EARS2: variants seen among roughly 807,000 people sequenced by gnomAD.
The protein encoded by EARS2 is nondiscriminating glutamyl-tRNA synthetase EARS2, mitochondrial.
EARS2 carries 50 observed loss-of-function variants against 54.1 expected under a neutral mutation model. The observed-to-expected ratio is 0.92, with a 90% confidence interval of 0.74 to 1.17. The LOEUF (loss-of-function observed/expected upper bound fraction) is 1.17. EARS2 is among the 50% of genes most tolerant of loss of function. The probability of loss-of-function intolerance (pLI) is 0.00; values close to 1 mark genes in which losing one functional copy is unlikely to be tolerated. For synonymous variants in EARS2, 298 were observed against 281.0 expected (o/e 1.06, Z -0.61); for missense variants, 673 against 675.0 (o/e 1.00, Z 0.03).
At chr16:23,541,085 G>A (rs1346146378) in intron 3 of EARS2, among the ~76,000 whole-genome samples, 1 of 152,138 alleles carries the variant, frequency 6.6e-6, no homozygotes, top group Non-Finnish European at 1.5e-5. Flanking sequence ...GAGGCCACTT[G>A]AGGATCACTT....
At chr16:23,525,119 G>A in intron 8 of EARS2, 125 bp downstream of exon 8, 1 of 1,297,716 alleles carries the variant, frequency 7.7e-7, no homozygotes, top group Non-Finnish European at 1.1e-6. Flanking sequence ...ACTAAATGAG[G>A]GGAGTGATCA....
chr16:23,553,407 A>G (rs771965786), intron 1 of EARS2, among the ~76,000 whole-genome samples: 1 of 152,296 alleles, frequency 6.6e-6, no homozygotes, highest in Non-Finnish European at 1.5e-5. Flanking sequence ...AAATTCAATG[A>G]TGTGCGCTGG....
At chr16:23,538,444 T>C (rs1965460428) in intron 3 of EARS2, among the ~76,000 whole-genome samples, 1 of 152,084 alleles carries the variant, frequency 6.6e-6, no homozygotes, top group African/African-American at 2.4e-5. Context: ...TGGCTTCTAG[T>C]TGTATTAATC....
chr16:23,556,919 C>T (rs1466846476), intron 1 of EARS2: 2 of 651,102 alleles, frequency 3.1e-6, no homozygotes, highest in Non-Finnish European at 5.6e-6. Context: ...ATCCCAGCGT[C>T]TACAACACCT....
At position 23,556,878 on chromosome 16, in the gene EARS2, C is replaced by G. The variant is rs139880813; in HGVS notation, c.139+327G>C. On this transcript the variant is annotated intron_variant, in intron 1 of 8. Coordinates refer to ENST00000449606, the MANE Select transcript of EARS2 (RefSeq NM_001083614.2). ...CACTAGAATGCAGACTTCCACAGAG[C>G]AAGGCCCCTACCTTTCTCAATGATC... 495 of 580,796 alleles carry G rather than the reference C, an allele frequency of 8.5e-4. 5 individuals carry two copies. The highest frequency in any genetic ancestry group is 7.4e-3 in the African/African-American group (404 of 54,528). The allele number at this position is 580,796 out of a possible 1,614,324, so 36.0% of individuals were successfully genotyped here. A position where few individuals can be genotyped will look rare whatever the true frequency, so the allele number is the denominator to read the frequency against.
rs1456431704 is a variant in EARS2, at chr16:23,529,602, A to G, written c.1252T>C (p.Ser418Pro). ...GTCCACAGGTAAGAGTATACTGGGG[A>G]CACCAAGTCCTGCAGGCGGCAAATG... ...GHICRLQDLVSPVYSYLWTRP... is the reference protein window; with the variant it reads ...GHICRLQDLVPPVYSYLWTRP... Residue 418 changes from serine (S) to proline (P), a missense_variant, in exon 7 of 9, where the codon TCC (serine) becomes CCC (proline). Ser to Pro is a moderately conservative substitution (Grantham distance 74). Around this residue, in one of 3 missense-constraint regions of EARS2, gnomAD observed 338 missense variants for 361.2 expected, o/e 0.94. Transcript: ENST00000449606. 6.2e-7 allele frequency: 1 copy of G among 1,614,048 alleles called. No individual in the cohort carries two copies. Among genetic ancestry groups the G allele is most frequent in the Non-Finnish European group, 8.5e-7 (1 of 1,179,968 alleles).
rs1468138 is a variant in EARS2, at chr16:23,524,359, A to C, written c.*12T>G. Reference sequence around the variant, plus strand: ...TCTTAGGGCGATCTCCACTGCCCGAAACATCCTCTCCCTAGCTGGAAACCA... The same window carrying C: ...TCTTAGGGCGATCTCCACTGCCCGACACATCCTCTCCCTAGCTGGAAACCA... On this transcript the variant is annotated 3_prime_UTR_variant, in exon 9 of 9. Coordinates refer to ENST00000449606, the MANE Select transcript of EARS2 (RefSeq NM_001083614.2). 0.84 allele frequency: 1,357,391 copies of C among 1,610,728 alleles called. 573,357 individuals are homozygous for C. The highest frequency in any genetic ancestry group is 0.88 in the Middle Eastern group (5,348 of 6,054).
intron 8 of EARS2, 109 bp from the exon 9 acceptor site, chr16:23,524,563 C>G: frequency 1.1e-6 from 1 of 925,328 alleles, no homozygotes; most frequent in East Asian, 2.4e-5. Flanking sequence ...CACACTGCTG[C>G]CTGTGTTCTG....
intron 3 of EARS2, among the ~76,000 whole-genome samples, chr16:23,535,837 C>T (rs1225367313): frequency 6.6e-6 from 1 of 152,190 alleles, no homozygotes; most frequent in Non-Finnish European, 1.5e-5. Flanking sequence ...TTTCCCACTG[C>T]CCCACTTCTG....
intron 6 of EARS2, 53 bp downstream of exon 6, chr16:23,529,691 A>G: frequency 1.2e-6 from 2 of 1,612,826 alleles, no homozygotes; most frequent in Non-Finnish European, 8.5e-7. Context: ...GGCAGGAGGA[A>G]TTGAGGCACC....
intron 3 of EARS2, among the ~76,000 whole-genome samples, chr16:23,542,486 T>C (rs2037468740): frequency 6.6e-6 from 1 of 151,312 alleles, no homozygotes; most frequent in Non-Finnish European, 1.5e-5. Context: ...CAGCTAATTT[T>C]TGTATTTTTA....
intron 2 of EARS2, among the ~76,000 whole-genome samples, chr16:23,545,740 T>G (rs1257111387): frequency 6.6e-6 from 1 of 152,194 alleles, no homozygotes; most frequent in African/African-American, 2.4e-5. Flanking sequence ...CATAGCACAC[T>G]GCAGCCTCGA....
intron 1 of EARS2, among the ~76,000 whole-genome samples, chr16:23,554,764 A>C (rs2142198893): frequency 6.6e-6 from 1 of 152,358 alleles, no homozygotes; most frequent in African/African-American, 2.4e-5. Context: ...CAAATTCTGC[A>C]TCCACCATTT....
At chr16:23,542,505 G>A (rs545640229) in intron 3 of EARS2, among the ~76,000 whole-genome samples, 4 of 151,188 alleles carry the variant, frequency 2.6e-5, no homozygotes, top group South Asian at 4.2e-4. Context: ...TAGCAGAGAC[G>A]GGGTTTCACC....
rs750752290 is a variant in EARS2, at chr16:23,544,617, T to A, written c.382A>T (p.Thr128Ser). The change falls in exon 3 of 9, where the codon ACA becomes TCA. Residue 128 changes from threonine to serine, a missense_variant. Thr to Ser is a moderately conservative substitution (Grantham distance 58). Around this residue, in one of 3 missense-constraint regions of EARS2, gnomAD observed 316 missense variants for 275.2 expected, o/e 1.15. Transcript: ENST00000449606. ...SQRLELYAQATEALLKTGAAY... is the reference protein window; with the variant it reads ...SQRLELYAQASEALLKTGAAY... The stretch of plus-strand genomic sequence containing the variant: ...GCTCCGGTCTTCAGCAGCGCTTCTG[T>A]GGCCTGGGCATACAGCTCCAACCGC... 5.6e-6 allele frequency: 9 copies of A among 1,613,374 alleles called. No homozygotes were observed. The highest frequency in any genetic ancestry group is 3.3e-5 in the Admixed American group (2 of 59,912).
rs1336483445 is a variant in EARS2, at chr16:23,531,176, C to T, written c.1068-1279G>A. ...CCTCCCAAAATGCTGCGACTACAGG[C>T]ATGAGCCACCGCGCCCAGCCTACAT... is the stretch of plus-strand genomic sequence containing the variant. On this transcript the variant is annotated intron_variant, in intron 5 of 8. Coordinates refer to ENST00000449606, the MANE Select transcript of EARS2 (RefSeq NM_001083614.2). 2.0e-5 allele frequency among the ~76,000 whole-genome samples: 3 copies of T among 152,038 alleles called. No individual in the cohort carries two copies. The East Asian group carries it at 5.8e-4, about 29-fold the overall frequency.
chr16:23,557,299 C>T lies in EARS2; in HGVS notation c.45G>A (p.Ser15=), dbSNP rs766538301. Residue 15 remains serine, a synonymous_variant, in exon 1 of 9, where the codon TCG becomes TCA. Transcript: ENST00000449606. ...LRRLLQRERP[S]AASGRPVGRR... ...GTCCTACGGGGCGGCCAGAGGCCGC[C>T]GAAGGCCTCTCGCGCTGCAGCAGTC... 19 of 1,517,168 alleles carry T rather than the reference C, an allele frequency of 1.3e-5. No homozygotes were observed. Among genetic ancestry groups the T allele is most frequent in the Admixed American group, 2.4e-5 (1 of 41,764 alleles). 94.0% of individuals were successfully genotyped at this position (1,517,168 alleles called of 1,614,324 possible). A position where few individuals can be genotyped will look rare whatever the true frequency, so the allele number is the denominator to read the frequency against.
chr16:23,554,168 C>A (rs531942376), intron 1 of EARS2, among the ~76,000 whole-genome samples: 156 of 152,052 alleles, frequency 1.0e-3, no homozygotes, highest in Middle Eastern at 3.4e-3. Flanking sequence ...CACCACCATG[C>A]CCGGCTAATA....
chr16:23,535,397 G>A, intron 3 of EARS2, 37 bp from the exon 4 acceptor site: 1 of 1,570,552 alleles, frequency 6.4e-7, no homozygotes, highest in East Asian at 2.2e-5. Flanking sequence ...ACTGTTGATG[G>A]AAAGGTTGAT....
Sources: allele counts gnomAD v4.1 joint callset (sites outside exome capture counted in the v4.1 genomes callset), GRCh38; gene constraint gnomAD v4.1.1; regional missense constraint gnomAD v4.1.1; transcripts MANE v1.5; gene names NCBI Gene and HGNC (gene_info 2026-07-23, HGNC 2026-07-21).